Variants in NRCAM observed in about 807,000 individuals in gnomAD.
The protein encoded by NRCAM is neuronal cell adhesion molecule.
In NRCAM, 83 loss-of-function variants were observed where a neutral mutation model predicts 156.5. The observed-to-expected ratio is 0.53, with a 90% CI of 0.44 to 0.64. The LOEUF (loss-of-function observed/expected upper bound fraction) is 0.64. Ranked by LOEUF, NRCAM falls within the 30% of genes least tolerant of loss-of-function variation. The probability of loss-of-function intolerance (pLI) is 0.00; values close to 1 mark genes in which losing one functional copy is unlikely to be tolerated. For missense variants in NRCAM, 1,417 were observed against 1,597.3 expected (o/e 0.89, Z 1.92); for synonymous variants, 538 against 563.9 (o/e 0.95, Z 0.65).
intron 3 of NRCAM, among the ~76,000 whole-genome samples, chr7:108,245,516 CT>C (rs2095848251): frequency 6.6e-6 from 1 of 152,092 alleles, no homozygotes; most frequent in Non-Finnish European, 1.5e-5. Context: ...ACAAGATGTA[CT>C]TTAAAAAGTT....
intron 2 of NRCAM, among the ~76,000 whole-genome samples, chr7:108,368,028 T>C (rs111976658): frequency 0.015 from 2,290 of 152,204 alleles, 62 homozygotes; most frequent in African/African-American, 0.051. Context: ...TTAACCACCA[T>C]GATATAGAGC....
At chr7:108,259,570 A>G (rs1033638797) in intron 3 of NRCAM, among the ~76,000 whole-genome samples, 2 of 152,226 alleles carry the variant, frequency 1.3e-5, no homozygotes, top group Non-Finnish European at 2.9e-5. Flanking sequence ...ACTATTCACA[A>G]TAGCAAGGAG....
At chr7:108,318,951 C>T (rs76702689) in intron 2 of NRCAM, among the ~76,000 whole-genome samples, 5 of 152,036 alleles carry the variant, frequency 3.3e-5, no homozygotes, top group Non-Finnish European at 5.9e-5. Context: ...AAGAAAGATT[C>T]TAAGGCAAAT....
intron 14 of NRCAM, 46 bp downstream of exon 14, chr7:108,197,910 A>T: frequency 6.9e-7 from 1 of 1,446,098 alleles, no homozygotes; most frequent in Non-Finnish European, 9.3e-7. Flanking sequence ...AAATAACAGC[A>T]GTCATTAATT....
intron 30 of NRCAM, among the ~76,000 whole-genome samples, chr7:108,162,345 C>A (rs1250736469): frequency 6.6e-6 from 1 of 152,218 alleles, no homozygotes; most frequent in Non-Finnish European, 1.5e-5. Context: ...TCCTCTTTGG[C>A]AACATATTTC....
chr7:108,379,890 TTTAAA>T (rs2099693380), intron 2 of NRCAM, among the ~76,000 whole-genome samples: 1 of 152,108 alleles, frequency 6.6e-6, no homozygotes, highest in South Asian at 2.1e-4. Context: ...AACGCACTGG[TTTAAA>T]TTAGTCTAGT....
At chr7:108,183,872 C>G (rs1227851590) in intron 22 of NRCAM, among the ~76,000 whole-genome samples, 5 of 152,002 alleles carry the variant, frequency 3.3e-5, no homozygotes, top group African/African-American at 1.2e-4. Context: ...TTTTTTTGAG[C>G]ATGTGTATAT....
chr7:108,248,074 C>T (rs1391481339), intron 3 of NRCAM, among the ~76,000 whole-genome samples: 6 of 152,196 alleles, frequency 3.9e-5, no homozygotes, highest in Admixed American at 3.9e-4. Flanking sequence ...GTCACTGAAA[C>T]AAGCTCTAGC....
At chr7:108,376,377 C>T (rs1174003153) in intron 2 of NRCAM, among the ~76,000 whole-genome samples, 1 of 152,152 alleles carries the variant, frequency 6.6e-6, no homozygotes, top group Admixed American at 6.6e-5. Flanking sequence ...ACCATGTTCA[C>T]ATCTGGTCCC....
chr7:108,348,679 C>T (rs865966885), intron 2 of NRCAM, among the ~76,000 whole-genome samples: 3 of 151,844 alleles, frequency 2.0e-5, no homozygotes, highest in East Asian at 1.9e-4. Context: ...TCTGGGAGGC[C>T]GAGGCAAGTG....
At chr7:108,200,101 C>T (rs13245910) in intron 13 of NRCAM, among the ~76,000 whole-genome samples, 37,662 of 152,036 alleles carry the variant, frequency 0.25, 4,865 homozygotes, top group Non-Finnish European at 0.27. Flanking sequence ...CCATCAGTAA[C>T]TCATTTATGA....
At chr7:108,296,462 G>A (rs945799065) in intron 3 of NRCAM, among the ~76,000 whole-genome samples, 1 of 152,092 alleles carries the variant, frequency 6.6e-6, no homozygotes, top group Admixed American at 6.5e-5. Flanking sequence ...GACTCAGAGC[G>A]CTAATGCCAT....
intron 2 of NRCAM, among the ~76,000 whole-genome samples, chr7:108,353,304 CTTCTTCT>C (rs1019051758): frequency 2.4e-4 from 37 of 151,872 alleles, no homozygotes; most frequent in South Asian, 1.5e-3. Flanking sequence ...ATGTATTTTT[CTTCTTCT>C]TTCTTCTTTC....
intron 1 of NRCAM, among the ~76,000 whole-genome samples, chr7:108,451,259 GA>G (rs1164609199): frequency 6.6e-6 from 1 of 151,848 alleles, no homozygotes; most frequent in Non-Finnish European, 1.5e-5. Flanking sequence ...AAGTAACAGT[GA>G]TTGCACTTCA....
At chr7:108,225,805 C>T (rs1420877385) in intron 9 of NRCAM, 104 bp from the exon 10 acceptor site, 6 of 779,006 alleles carry the variant, frequency 7.7e-6, no homozygotes, top group Middle Eastern at 2.3e-4. Flanking sequence ...TGACCGAGTG[C>T]TGTTCCTATC....
rs775191913 is a variant in NRCAM at position 108,234,413 on chromosome 7, A to G, written c.230+170T>C. Among the ~76,000 whole-genome samples the G allele has an allele frequency of 5.9e-5, 9 of 152,200 alleles. No homozygotes were observed. In the South Asian group the frequency reaches 6.2e-4, roughly 10 times the overall value. Reference sequence around the variant, plus strand: ...TTGAAGGGCTGAAATGGGCTGGGATAGATGAACCAAAGGGCAATCTAGTGA... The same window carrying G: ...TTGAAGGGCTGAAATGGGCTGGGATGGATGAACCAAAGGGCAATCTAGTGA... On this transcript the variant is annotated intron_variant, in intron 6 of 32. Transcript: ENST00000379028.
At chr7:108,352,289 T>C (rs1379729589) in intron 2 of NRCAM, among the ~76,000 whole-genome samples, 1 of 152,168 alleles carries the variant, frequency 6.6e-6, no homozygotes, top group Admixed American at 6.5e-5. Flanking sequence ...GTTGTAATGT[T>C]TCCCCAGCAA....
rs2099675244 is a variant in NRCAM at position 108,376,270 on chromosome 7, ATC to A, written c.-174+23164_-174+23165del. Among the ~76,000 whole-genome samples, 8 of 152,156 alleles carry A rather than the reference ATC, an allele frequency of 5.3e-5. No individual in the cohort carries two copies. The South Asian group carries it at 1.7e-3, about 32-fold the overall frequency. On this transcript the variant is annotated intron_variant, in intron 2 of 32. Coordinates refer to ENST00000379028, the MANE Select transcript of NRCAM (RefSeq NM_001037132.4). ...TAAGAGACTAAAATGGCTGGGGTTC[ATC>A]CATTTCATCACTGTCATCCTGACCA...
In NRCAM at chr7:108,180,331, A is replaced by G. The variant is rs768758271; in HGVS notation, c.2743T>C (p.Leu915=). ...TFQGSKTHGM[L]PGLEPFSHYT... is the part of the protein sequence containing the mutation. ...TGGCTAAAGGGCTCTAGCCCCGGCAACATGCCATGAGTCTTGCTGCCTTGG... is the reference window on the plus strand; with the variant it reads ...TGGCTAAAGGGCTCTAGCCCCGGCAGCATGCCATGAGTCTTGCTGCCTTGG... Residue 915 remains leucine, a synonymous_variant, in exon 25 of 33, where the codon TTG becomes CTG. Coordinates refer to ENST00000379028, the MANE Select transcript of NRCAM (RefSeq NM_001037132.4). 2 of 1,614,218 alleles carry G rather than the reference A, an allele frequency of 1.2e-6. No homozygotes were observed. Among genetic ancestry groups the G allele is most frequent in the East Asian group, 2.2e-5 (1 of 44,888 alleles).
Sources: gnomAD v4.1 joint callset for allele counts (sites outside exome capture counted in the v4.1 genomes callset) on GRCh38, gnomAD v4.1.1 for gene constraint, MANE v1.5 for transcripts, NCBI Gene and HGNC (gene_info 2026-07-23, HGNC 2026-07-21) for gene names.